The following PCDH15 variants were observed in gnomAD, a reference collection of about 807,000 sequenced individuals.
PCDH15 encodes protocadherin-15.
Under a neutral mutation model 178.5 loss-of-function variants are expected in PCDH15, and 129 were observed. The ratio of observed to expected loss-of-function variants is 0.72; its 90% CI spans 0.63 to 0.84. The LOEUF (loss-of-function observed/expected upper bound fraction) is 0.84. Ranked by LOEUF, PCDH15 falls within the 40% of genes least tolerant of loss-of-function variation. The probability of loss-of-function intolerance (pLI) is 0.00; values close to 1 mark genes in which losing one functional copy is unlikely to be tolerated. For missense variants in PCDH15, 2,230 were observed against 2,099.9 expected (o/e 1.06, Z -1.21); for synonymous variants, 800 against 732.0 (o/e 1.09, Z -1.50).
At chr10:54,043,166 T>C (rs1315051431) in intron 18 of PCDH15, among the ~76,000 whole-genome samples, 1 of 152,082 alleles carries the variant, frequency 6.6e-6, no homozygotes, top group East Asian at 1.9e-4. Flanking sequence ...TCGGTGAACA[T>C]TAATTCATAA....
chr10:54,118,335 T>C (rs1181170879), intron 15 of PCDH15, among the ~76,000 whole-genome samples: 1 of 152,088 alleles, frequency 6.6e-6, no homozygotes, highest in Non-Finnish European at 1.5e-5. Context: ...CATAGAAGAA[T>C]GAAACTGGAT....
At chr10:54,680,373 T>C (rs2094876652) in intron 1 of PCDH15, among the ~76,000 whole-genome samples, 1 of 152,188 alleles carries the variant, frequency 6.6e-6, no homozygotes, top group Admixed American at 6.5e-5. Context: ...TAATATTAGG[T>C]ATTAAAATAT....
intron 25 of PCDH15, among the ~76,000 whole-genome samples, chr10:53,910,247 C>T (rs899510933): frequency 5.3e-4 from 81 of 152,156 alleles, no homozygotes; most frequent in African/African-American, 1.9e-3. Flanking sequence ...GGAGGCACCT[C>T]CCAGTAGGGG....
intron 25 of PCDH15, among the ~76,000 whole-genome samples, chr10:53,912,329 C>T (rs1417862749): frequency 1.3e-5 from 2 of 152,160 alleles, no homozygotes; most frequent in African/African-American, 4.8e-5. Flanking sequence ...AAATCCACAG[C>T]CAGTATCGTA....
intron 21 of PCDH15, among the ~76,000 whole-genome samples, chr10:53,985,651 C>T (rs1197648521): frequency 6.6e-6 from 1 of 152,048 alleles, no homozygotes; most frequent in Non-Finnish European, 1.5e-5. Flanking sequence ...GAGAAAAGAT[C>T]AAGCAGGGAA....
rs547988801 is a variant in PCDH15, at chr10:53,806,530, T to G, written c.*49A>C. On this transcript the variant is annotated 3_prime_UTR_variant, in exon 38 of 38. Transcript: ENST00000644397. ...CTCAGTGACAATAAAAAGCACAGTT[T>G]ATTAAAAATGTAAGTAAAAATTAAT... 3.8e-3 allele frequency: 5,294 copies of G among 1,408,280 alleles called. 19 individuals carry two copies. The highest frequency in any genetic ancestry group is 4.6e-3 in the Non-Finnish European group (4,797 of 1,040,122). 87.2% of individuals were successfully genotyped at this position (1,408,280 alleles called of 1,614,324 possible). A position where few individuals can be genotyped will look rare whatever the true frequency, so the allele number is the denominator to read the frequency against.
In PCDH15 at chr10:54,156,215, C is replaced by A. The variant is rs4642983; in HGVS notation, c.1591-2922G>T. 6.7e-3 allele frequency among the ~76,000 whole-genome samples: 1,024 copies of A among 152,048 alleles called. 13 individuals are homozygous for A. Among genetic ancestry groups the A allele is most frequent in the African/African-American group, 0.023 (969 of 41,470 alleles). ...TTATAGTTCTATTCAGGAACTTTAG[C>A]CCTACCCTTTCATAATTCCTTCCTC... On this transcript the variant is annotated intron_variant, in intron 13 of 37. Coordinates refer to ENST00000644397, the MANE Select transcript of PCDH15 (RefSeq NM_001384140.1).
intron 3 of PCDH15, among the ~76,000 whole-genome samples, chr10:54,868,023 T>C (rs918508494): frequency 5.9e-5 from 9 of 152,162 alleles, no homozygotes; most frequent in Non-Finnish European, 1.2e-4. Flanking sequence ...AATTAGCTTG[T>C]CTTAATTATT....
intron 3 of PCDH15, among the ~76,000 whole-genome samples, chr10:54,459,989 A>G (rs1221157924): frequency 1.3e-5 from 2 of 152,154 alleles, no homozygotes; most frequent in Non-Finnish European, 2.9e-5. Flanking sequence ...GTATATTATA[A>G]GCCTGCATTG....
intron 1 of PCDH15, among the ~76,000 whole-genome samples, chr10:55,230,810 A>G (rs887189698): frequency 5.9e-5 from 9 of 152,042 alleles, no homozygotes; most frequent in African/African-American, 2.2e-4. Flanking sequence ...GAAACCAGAA[A>G]AAGTGAACAG....
At chr10:55,615,457 C>G (rs966412387) in intron 2 of PCDH15, among the ~76,000 whole-genome samples, 3 of 152,066 alleles carry the variant, frequency 2.0e-5, no homozygotes, top group African/African-American at 7.2e-5. Context: ...CAGTATAAAA[C>G]AGCAATAAAT....
intron 2 of PCDH15, among the ~76,000 whole-genome samples, chr10:54,947,996 A>C (rs942298039): frequency 1.3e-5 from 2 of 151,856 alleles, no homozygotes; most frequent in African/African-American, 4.8e-5. Flanking sequence ...TTTCTTCTTC[A>C]TAGACTATTT....
At chr10:54,061,221 C>T (rs1157591658) in intron 18 of PCDH15, among the ~76,000 whole-genome samples, 1 of 152,104 alleles carries the variant, frequency 6.6e-6, no homozygotes, top group Non-Finnish European at 1.5e-5. Flanking sequence ...ATATCTGAGA[C>T]CCATTCTAAA....
At chr10:53,943,191 G>A (rs1377772285) in intron 23 of PCDH15, among the ~76,000 whole-genome samples, 1 of 151,962 alleles carries the variant, frequency 6.6e-6, no homozygotes, top group Non-Finnish European at 1.5e-5. Flanking sequence ...TTTAACATGA[G>A]AAAAATGCTA....
intron 3 of PCDH15, among the ~76,000 whole-genome samples, chr10:54,852,131 T>C (rs1953633109): frequency 6.6e-6 from 1 of 152,186 alleles, no homozygotes; most frequent in Non-Finnish European, 1.5e-5. Flanking sequence ...GCATCCAAGG[T>C]CTGCAGACAT....
chr10:54,225,470 G>C lies in PCDH15; in HGVS notation c.985+11353C>G, dbSNP rs542176261. Among the ~76,000 whole-genome samples, 4 of 152,202 alleles carry C rather than the reference G, an allele frequency of 2.6e-5. No homozygotes were observed. In the South Asian group the frequency reaches 8.3e-4, roughly 31 times the overall value. Reference sequence around the variant, plus strand: ...TTACCTTAGAACGTCTCTCTGATGTGTTCCTTTTTCATAGTCCTAATCTCT... The same window carrying C: ...TTACCTTAGAACGTCTCTCTGATGTCTTCCTTTTTCATAGTCCTAATCTCT... On this transcript the variant is annotated intron_variant, in intron 9 of 37. Transcript: ENST00000644397.
intron 1 of PCDH15, among the ~76,000 whole-genome samples, chr10:54,730,389 G>T (rs182434620): frequency 3.5e-4 from 53 of 151,494 alleles, no homozygotes; most frequent in Non-Finnish European, 6.5e-4. Context: ...TAGACACAGG[G>T]CCTACCTGAG....
At chr10:54,618,904 A>C (rs1048186547) in intron 2 of PCDH15, among the ~76,000 whole-genome samples, 1 of 152,026 alleles carries the variant, frequency 6.6e-6, no homozygotes, top group Non-Finnish European at 1.5e-5. Context: ...GGAAAAAAAA[A>C]TTTGTATCTG....
At chr10:54,385,688 C>A (rs1374703603) in intron 3 of PCDH15, among the ~76,000 whole-genome samples, 38 of 152,154 alleles carry the variant, frequency 2.5e-4, no homozygotes, top group Admixed American at 2.4e-3. Flanking sequence ...TCTCTAACTG[C>A]AAATGAAGTA....
Sources: gnomAD v4.1 joint callset for allele counts (sites outside exome capture counted in the v4.1 genomes callset) on GRCh38, gnomAD v4.1.1 for gene constraint, MANE v1.5 for transcripts, NCBI Gene and HGNC (gene_info 2026-07-23, HGNC 2026-07-21) for gene names.